The following PTDSS1 variants were observed in gnomAD, a reference collection of about 807,000 sequenced individuals.
The protein encoded by PTDSS1 is PSS-1.
In PTDSS1, 45 loss-of-function variants were observed where a neutral mutation model predicts 70.5. The ratio of observed to expected loss-of-function variants is 0.64; its 90% CI spans 0.50 to 0.82. PTDSS1 has a LOEUF of 0.82. PTDSS1 is among the 40% of genes least tolerant of loss of function. The pLI is 0.00. For missense variants in PTDSS1, 417 were observed against 586.1 expected (o/e 0.71, Z 2.98); for synonymous variants, 188 against 203.8 (o/e 0.92, Z 0.66).
chr8:96,261,931 A>T lies in PTDSS1; in HGVS notation c.-110A>T. ...CTGCTCCCAGCCTTTGCTGGGCGCC[A>T]GACCCGGCTTTGCCGTCCGGCTATT... On this transcript the variant is annotated 5_prime_UTR_variant, in exon 1 of 13. Transcript: ENST00000517309. 8.4e-7 allele frequency: 1 copy of T among 1,195,014 alleles called. No individual in the cohort carries two copies. The highest frequency in any genetic ancestry group is 1.2e-6 in the Non-Finnish European group (1 of 866,674). 74.0% of individuals were successfully genotyped at this position (1,195,014 alleles called of 1,614,324 possible). A position where few individuals can be genotyped will look rare whatever the true frequency, so the allele number is the denominator to read the frequency against.
chr8:96,280,524 C>T (rs1013991370), intron 2 of PTDSS1, among the ~76,000 whole-genome samples: 8 of 151,744 alleles, frequency 5.3e-5, no homozygotes, highest in Non-Finnish European at 1.2e-4. Context: ...GCTGAGATCG[C>T]GCCAGTGCAC....
At position 96,333,464 on chromosome 8, in the gene PTDSS1, A is replaced by G; in HGVS notation, c.1320A>G (p.Glu440=). 2.5e-6 allele frequency: 4 copies of G among 1,613,354 alleles called. No homozygotes were observed. Among genetic ancestry groups the G allele is most frequent in the Non-Finnish European group, 3.4e-6 (4 of 1,179,294 alleles). ...TCTGATTCCTTTGGCCAGGTTCTGA[A>G]GACAGCCCACCCAAGCATGCAGGCA... ...WHHRKGTKGS[E]DSPPKHAGNN... The change falls in exon 13 of 13, where the codon GAA becomes GAG. Residue 440 remains glutamate (E), a synonymous_variant. Transcript: ENST00000517309.
chr8:96,276,563 C>T (rs1054674664), intron 2 of PTDSS1, among the ~76,000 whole-genome samples: 1 of 152,174 alleles, frequency 6.6e-6, no homozygotes, highest in Admixed American at 6.5e-5. Flanking sequence ...CTGAAACGTG[C>T]CACCATGTCC....
At chr8:96,333,305 G>A (rs952495883) in intron 12 of PTDSS1, 152 bp from the exon 13 acceptor site, 2 of 705,774 alleles carry the variant, frequency 2.8e-6, no homozygotes, top group African/African-American at 3.6e-5. Context: ...CTGTGTTTGA[G>A]AGCCTCGCCT....
intron 9 of PTDSS1, among the ~76,000 whole-genome samples, chr8:96,315,861 C>A (rs112752182): frequency 0.019 from 2,937 of 152,242 alleles, 84 homozygotes; most frequent in African/African-American, 0.065. Context: ...TTAAATTGAA[C>A]TGAGTAAAGG....
At chr8:96,330,687 G>T (rs898907792) in intron 11 of PTDSS1, 2 of 375,348 alleles carry the variant, frequency 5.3e-6, no homozygotes, top group Admixed American at 8.6e-5. Context: ...TAGTAGATAT[G>T]AGGATACCAT....
chr8:96,327,687 T>C (rs1811456961), intron 10 of PTDSS1, among the ~76,000 whole-genome samples: 1 of 152,060 alleles, frequency 6.6e-6, no homozygotes, highest in Admixed American at 6.5e-5. Flanking sequence ...TTAATAAGCT[T>C]TTCCAGGAGC....
chr8:96,309,984 GA>G (rs1011279736), intron 9 of PTDSS1, among the ~76,000 whole-genome samples: 8 of 151,934 alleles, frequency 5.3e-5, no homozygotes, highest in Admixed American at 4.6e-4. Flanking sequence ...TCAACATGGC[GA>G]AACCCTGTCT....
intron 11 of PTDSS1, 77 bp downstream of exon 11, chr8:96,330,358 C>T: frequency 7.2e-7 from 1 of 1,379,444 alleles, no homozygotes; most frequent in Admixed American, 1.8e-5. Flanking sequence ...AGAGCACGTG[C>T]CTGTAAGGAT....
intron 1 of PTDSS1, among the ~76,000 whole-genome samples, chr8:96,267,069 C>T (rs1313842143): frequency 1.1e-4 from 16 of 152,156 alleles, no homozygotes; most frequent in African/African-American, 3.9e-4. Flanking sequence ...TTCATCTGTT[C>T]TGAATAAACT....
intron 6 of PTDSS1, among the ~76,000 whole-genome samples, chr8:96,303,609 A>G (rs1176905317): frequency 6.6e-6 from 1 of 152,090 alleles, no homozygotes; most frequent in Non-Finnish European, 1.5e-5. Context: ...AAACTGTAGG[A>G]CTGTTTAGTT....
At chr8:96,295,390 C>A in intron 5 of PTDSS1, 134 bp downstream of exon 5, 1 of 952,002 alleles carries the variant, frequency 1.1e-6, no homozygotes, top group Non-Finnish European at 1.4e-6. Context: ...TTAAACCATC[C>A]CATAAGAATA....
chr8:96,330,815 G>C (rs1425978175), intron 11 of PTDSS1: 1 of 551,290 alleles, frequency 1.8e-6, no homozygotes, highest in Non-Finnish European at 3.2e-6. Context: ...AGAACTTAAG[G>C]CATGTTGTGG....
intron 5 of PTDSS1, 23 bp from the exon 6 acceptor site, chr8:96,299,671 C>T: frequency 1.3e-6 from 2 of 1,583,720 alleles, no homozygotes; most frequent in Non-Finnish European, 1.7e-6. Flanking sequence ...ATTTTTCCAA[C>T]CATGGGCTCT....
chr8:96,283,001 C>G (rs1010525144), intron 2 of PTDSS1, among the ~76,000 whole-genome samples: 2 of 152,186 alleles, frequency 1.3e-5, no homozygotes, highest in Admixed American at 6.5e-5. Context: ...GAAACCCCAG[C>G]AAGCATGGGC....
At chr8:96,264,422 C>T (rs1186307447) in intron 1 of PTDSS1, among the ~76,000 whole-genome samples, 4 of 152,098 alleles carry the variant, frequency 2.6e-5, no homozygotes, top group South Asian at 2.1e-4. Flanking sequence ...TATTATTGAA[C>T]GAGGATGTAG....
chr8:96,272,384 C>A lies in PTDSS1; in HGVS notation c.180-915C>A, dbSNP rs1010504633. Among the ~76,000 whole-genome samples the A allele has an allele frequency of 2.0e-5, 3 of 152,166 alleles. No individual in the cohort carries two copies. The East Asian group carries it at 5.8e-4, about 29-fold the overall frequency. ...AAGTATGAGTTACAGAATGAACCTT[C>A]TTTTCCCATGCAACAGTTGTTAATT... On this transcript the variant is annotated intron_variant, in intron 1 of 12. Transcript: ENST00000517309.
chr8:96,281,347 G>A (rs765490737), intron 2 of PTDSS1, among the ~76,000 whole-genome samples: 8 of 152,272 alleles, frequency 5.3e-5, no homozygotes, highest in Admixed American at 3.3e-4. Context: ...GCTCACACTC[G>A]CAGGGCGGCA....
intron 1 of PTDSS1, among the ~76,000 whole-genome samples, chr8:96,265,015 T>G (rs776767154): frequency 6.6e-6 from 1 of 152,242 alleles, no homozygotes; most frequent in Non-Finnish European, 1.5e-5. Context: ...TCATTTTTTG[T>G]AATGATTTGT....
Sources: allele counts gnomAD v4.1 joint callset (sites outside exome capture counted in the v4.1 genomes callset), GRCh38; gene constraint gnomAD v4.1.1; transcripts MANE v1.5; gene names NCBI Gene and HGNC (gene_info 2026-07-23, HGNC 2026-07-21).